The following STAT5B variants were observed in gnomAD, a reference collection of about 807,000 sequenced individuals.
The protein encoded by STAT5B is signal transducer and activator of transcription 5B.
Under a neutral mutation model 107.8 loss-of-function variants are expected in STAT5B, and 21 were observed. The ratio of observed to expected loss-of-function variants is 0.19; its 90% confidence interval spans 0.14 to 0.28. The LOEUF (loss-of-function observed/expected upper bound fraction) is 0.28, where lower values mean the gene tolerates loss of function less well. STAT5B is among the 10% of genes least tolerant of loss of function. The pLI is 1.00. For missense variants in STAT5B, 565 were observed against 1,008.2 expected (o/e 0.56, Z 5.95); for synonymous variants, 325 against 401.7 (o/e 0.81, Z 2.28).
At chr17:42,273,343 A>G (rs111681051) in intron 1 of STAT5B, among the ~76,000 whole-genome samples, 40 of 152,316 alleles carry the variant, frequency 2.6e-4, no homozygotes, top group African/African-American at 9.1e-4. Context: ...TTGAAGCATT[A>G]TTTTTATTAA....
Position 42,201,785 on chromosome 17 carries a change from G to C in STAT5B, c.2317C>G (p.Leu773Val). The C allele has an allele frequency of 6.2e-7, 1 of 1,614,168 alleles. No individual in the cohort carries two copies. Among genetic ancestry groups the C allele is most frequent in the Non-Finnish European group, 8.5e-7 (1 of 1,180,028 alleles). The part of the protein sequence containing the change: ...MDVARRVEEL[L>V]GRPMDSQWIP... Reference sequence around the variant, plus strand: ...CACTGACTGTCCATTGGCCGGCCCAGGAGCTCCTCCACACGCCGCGCTACG... The same window carrying C: ...CACTGACTGTCCATTGGCCGGCCCACGAGCTCCTCCACACGCCGCGCTACG... The change falls in exon 19 of 19, where the codon CTG (leucine) becomes GTG (valine). Residue 773 changes from leucine to valine, a missense_variant. Coordinates refer to ENST00000293328, the MANE Select transcript of STAT5B (RefSeq NM_012448.4).
chr17:42,277,750 TTTC>T (rs893933623), upstream of STAT5B, among the ~76,000 whole-genome samples: 21 of 148,490 alleles, frequency 1.4e-4, no homozygotes, highest in African/African-American at 5.5e-4. Context: ...ATCTTTTCTT[TTTC>T]TTTTCTTTTT....
At position 42,216,126 on chromosome 17, in the gene STAT5B, G is replaced by A; in HGVS notation, c.1381-20C>T. On this transcript the variant is annotated intron_variant, in intron 11 of 18. Coordinates refer to ENST00000293328, the MANE Select transcript of STAT5B (RefSeq NM_012448.4). ...CAGGGTCTAAAAAGACACAAGAGAA[G>A]GCTGAGCGCCCACGAGCCTCAAGTT... 6.2e-7 allele frequency: 1 copy of A among 1,607,074 alleles called. No individual in the cohort carries two copies. Among genetic ancestry groups the A allele is most frequent in the Non-Finnish European group, 8.5e-7 (1 of 1,176,554 alleles).
chr17:42,241,338 C>CT (rs1311301175), intron 1 of STAT5B, among the ~76,000 whole-genome samples: 12 of 139,202 alleles, frequency 8.6e-5, no homozygotes, highest in African/African-American at 3.0e-4. Flanking sequence ...GAAACTCCAT[C>CT]TCAAAAAAAA....
chr17:42,212,157 G>A lies in STAT5B; in HGVS notation c.1507C>T (p.Leu503=), dbSNP rs1390609653. 5 of 1,614,092 alleles carry A rather than the reference G, an allele frequency of 3.1e-6. No homozygotes were observed. The highest frequency in any genetic ancestry group is 3.4e-6 in the Non-Finnish European group (4 of 1,180,046). Reference sequence around the variant, plus strand: ...AGCGCCTCACACAGCTGTGGCCACAGCACTTTGTCAGGCACGGCAAATGGC... The same window carrying A: ...AGCGCCTCACACAGCTGTGGCCACAACACTTTGTCAGGCACGGCAAATGGC... ...RVPFAVPDKV[L]WPQLCEALNM... Residue 503 remains leucine, a synonymous_variant, in exon 13 of 19, where the codon CTG becomes TTG. Transcript: ENST00000293328.
intron 1 of STAT5B, among the ~76,000 whole-genome samples, chr17:42,261,150 C>T (rs934079934): frequency 6.6e-6 from 1 of 152,102 alleles, no homozygotes; most frequent in African/African-American, 2.4e-5. Flanking sequence ...TCAAGTGGTC[C>T]GCCCACCTCA....
intron 1 of STAT5B, among the ~76,000 whole-genome samples, chr17:42,241,465 C>CA (rs770385143): frequency 2.1e-5 from 3 of 144,224 alleles, no homozygotes; most frequent in Non-Finnish European, 4.5e-5. Context: ...TTTTTTGAGA[C>CA]AGAGTCTTGC....
At chr17:42,244,737 G>T (rs1047629633) in intron 1 of STAT5B, among the ~76,000 whole-genome samples, 2 of 152,120 alleles carry the variant, frequency 1.3e-5, no homozygotes, top group East Asian at 3.9e-4. Flanking sequence ...AATTCCCAGG[G>T]ATATATACCG....
chr17:42,256,839 G>C (rs1293406457), intron 1 of STAT5B, among the ~76,000 whole-genome samples: 4 of 128,676 alleles, frequency 3.1e-5, no homozygotes, highest in African/African-American at 1.3e-4. Context: ...TCCAGCCTGG[G>C]TGACAGAGCG....
chr17:42,252,781 T>C (rs1236339650), intron 1 of STAT5B, among the ~76,000 whole-genome samples: 1 of 152,180 alleles, frequency 6.6e-6, no homozygotes, highest in Non-Finnish European at 1.5e-5. Flanking sequence ...GTTTGTAAAA[T>C]AGAGCTAACA....
chr17:42,239,246 CA>C (rs770177992), intron 1 of STAT5B, among the ~76,000 whole-genome samples: 744 of 52,516 alleles, frequency 0.014, 1 homozygote, highest in Non-Finnish European at 0.025. Context: ...GACTCTGTCT[CA>C]AAAAAAAAAA....
At chr17:42,251,716 T>C (rs911671224) in intron 1 of STAT5B, among the ~76,000 whole-genome samples, 1 of 151,984 alleles carries the variant, frequency 6.6e-6, no homozygotes, top group Non-Finnish European at 1.5e-5. Context: ...AATATACAAA[T>C]AGATTGGGTG....
In STAT5B at chr17:42,233,577, G is replaced by A. The variant is rs1282081023; in HGVS notation, c.-10-1440C>T. 3.3e-5 allele frequency among the ~76,000 whole-genome samples: 5 copies of A among 150,700 alleles called. No individual in the cohort carries two copies. In the East Asian group the frequency reaches 5.9e-4, roughly 18 times the overall value. ...GCGATCTCAGCTCACTGCTAGCCCC[G>A]CCTCCCGGGTTCACGCCATTCTCCT... On this transcript the variant is annotated intron_variant, in intron 1 of 18. Transcript: ENST00000293328.
intron 1 of STAT5B, among the ~76,000 whole-genome samples, chr17:42,248,764 G>A (rs552982463): frequency 1.4e-4 from 22 of 152,340 alleles, no homozygotes; most frequent in African/African-American, 5.0e-4. Flanking sequence ...CGGAAGAAGC[G>A]AAGAGCAGCG....
rs368735480 is a variant in STAT5B, at chr17:42,201,837, C to T, written c.2265G>A (p.Gly755=). The change falls in exon 19 of 19, where the codon GGG becomes GGA. Residue 755 remains glycine, a synonymous_variant. Coordinates refer to ENST00000293328, the MANE Select transcript of STAT5B (RefSeq NM_012448.4). ...QNPDSVLDTD[G]DFDLEDTMDV... ...CCATTGTGTCCTCCAGATCGAAGTC[C>T]CCATCGGTGTCAAGGACTGAGTCAG... is the stretch of plus-strand genomic sequence containing the variant. The T allele has an allele frequency of 9.9e-6, 16 of 1,613,806 alleles. 1 individual carries two copies. Among genetic ancestry groups the T allele is most frequent in the East Asian group, 4.5e-5 (2 of 44,872 alleles).
intron 1 of STAT5B, among the ~76,000 whole-genome samples, chr17:42,263,871 GCACACACACACACACA>G (rs3222522): frequency 6.9e-5 from 10 of 145,030 alleles, no homozygotes; most frequent in Non-Finnish European, 1.5e-4. Context: ...TAGAAAGCGC[GCACACACACACACACA>G]CACACACACA....
intron 1 of STAT5B, among the ~76,000 whole-genome samples, chr17:42,237,686 T>G (rs1448361413): frequency 6.6e-6 from 1 of 152,142 alleles, no homozygotes; most frequent in Non-Finnish European, 1.5e-5. Context: ...GTAATTCCGA[T>G]TCTCCATCCT....
chr17:42,230,754 G>A (rs765381373), intron 2 of STAT5B, among the ~76,000 whole-genome samples: 20 of 150,452 alleles, frequency 1.3e-4, no homozygotes, highest in African/African-American at 3.4e-4. Flanking sequence ...TCTGCCTCCC[G>A]ACTTCAAGCG....
chr17:42,265,395 G>GTTTTTTTTTTTTTTTTTTTT (rs1567678433), intron 1 of STAT5B, among the ~76,000 whole-genome samples: 1 of 69,974 alleles, frequency 1.4e-5, no homozygotes, highest in African/African-American at 9.4e-5. Context: ...TTTTTGAGAC[G>GTTTTTTTTTTTTTTTTTTTT]AAGTCTCGCT....
Sources: gnomAD v4.1 joint callset for allele counts (sites outside exome capture counted in the v4.1 genomes callset) on GRCh38, gnomAD v4.1.1 for gene constraint, MANE v1.5 for transcripts, NCBI Gene and HGNC (gene_info 2026-07-23, HGNC 2026-07-21) for gene names.